The following SLC14A2 variants were observed in gnomAD, a reference collection of about 807,000 sequenced individuals.
SLC14A2 encodes solute carrier family 14 member 2, also known as urea transporter 2.
A neutral mutation model predicts 104.6 loss-of-function variants in SLC14A2; 91 were observed. That is an observed-to-expected ratio of 0.87 (90% CI 0.73 to 1.04). The LOEUF (loss-of-function observed/expected upper bound fraction) is 1.04, where lower values mean the gene tolerates loss of function less well. Ranked by LOEUF, SLC14A2 falls within the 50% of genes least tolerant of loss-of-function variation. SLC14A2 has a pLI of 0.00. For synonymous variants in SLC14A2, 476 were observed against 466.4 expected, an observed-to-expected ratio of 1.02 and a Z score of -0.27; for missense variants, 1,189 against 1,156.0, an observed-to-expected ratio of 1.03 and a Z score of -0.41.
chr18:45,208,137 G>A (rs963593690), upstream of SLC14A2, among the ~76,000 whole-genome samples: 2 of 152,142 alleles, frequency 1.3e-5, no homozygotes, highest in Admixed American at 6.5e-5. Context: ...CTAGAGAACA[G>A]ATATGCACTT....
chr18:45,505,557 C>T (rs1300872229), intron 2 of SLC14A2, among the ~76,000 whole-genome samples: 1 of 152,274 alleles, frequency 6.6e-6, no homozygotes, highest in Admixed American at 6.5e-5. Context: ...CCACATACCT[C>T]ACCCCAGAAA....
chr18:45,668,473 T>C lies in SLC14A2; in HGVS notation c.2032T>C (p.Ser678Pro). Residue 678 changes from serine to proline, a missense_variant, in exon 15 of 20, where the codon TCT (serine) becomes CCT (proline). Ser to Pro is a moderately conservative substitution (Grantham distance 74). Transcript: ENST00000255226. ...LLLPVIIMSM[S>P]CPILSSALGT... is the part of the protein sequence containing the mutation. Reference sequence around the variant, plus strand: ...GCTACCCGTCATCATCATGTCCATGTCTTGGTAAGTTTGCTTTTGAAGGGT... The same window carrying C: ...GCTACCCGTCATCATCATGTCCATGCCTTGGTAAGTTTGCTTTTGAAGGGT... 1 of 1,614,196 alleles carries C rather than the reference T, an allele frequency of 6.2e-7. No individual in the cohort carries two copies. Among genetic ancestry groups the C allele is most frequent in the Non-Finnish European group, 8.5e-7 (1 of 1,180,014 alleles).
intron 2 of SLC14A2, among the ~76,000 whole-genome samples, chr18:45,566,191 A>G (rs1181302405): frequency 6.6e-6 from 1 of 151,628 alleles, no homozygotes; most frequent in Non-Finnish European, 1.5e-5. Flanking sequence ...AGCACTCCCA[A>G]CTCTATAATG....
the SLC14A2 span, among the ~76,000 whole-genome samples, chr18:45,180,491 C>G: frequency 2.2e-4 from 34 of 152,096 alleles, no homozygotes; most frequent in Non-Finnish European, 4.6e-4. Flanking sequence ...AGAATTAAAA[C>G]TGAATAATTC....
intron 1 of SLC14A2, among the ~76,000 whole-genome samples, chr18:45,398,307 C>A (rs958606151): frequency 6.6e-6 from 1 of 151,988 alleles, no homozygotes; most frequent in African/African-American, 2.4e-5. Flanking sequence ...AATTTCCTAC[C>A]AAAATCAAAC....
At chr18:45,238,499 T>C (rs1568115753) in intron 1 of SLC14A2, among the ~76,000 whole-genome samples, 5 of 152,256 alleles carry the variant, frequency 3.3e-5, no homozygotes, top group Admixed American at 2.6e-4. Context: ...TCTAGAAATA[T>C]AGCCAGGAAC....
chr18:45,310,983 G>C (rs1042689386), intron 1 of SLC14A2, among the ~76,000 whole-genome samples: 2 of 152,210 alleles, frequency 1.3e-5, no homozygotes, highest in African/African-American at 4.8e-5. Flanking sequence ...AGATCCAGAA[G>C]CTGAGGCCTG....
the SLC14A2 span, among the ~76,000 whole-genome samples, chr18:45,199,751 T>G: frequency 6.6e-6 from 1 of 152,150 alleles, no homozygotes; most frequent in Non-Finnish European, 1.5e-5. Flanking sequence ...CTCCTTATAT[T>G]AGCAGCTAAG....
chr18:45,563,593 C>T (rs1301713687), intron 2 of SLC14A2, among the ~76,000 whole-genome samples: 1 of 152,152 alleles, frequency 6.6e-6, no homozygotes, highest in Non-Finnish European at 1.5e-5. Flanking sequence ...TGGCTACCAA[C>T]TCTCTGATCA....
the SLC14A2 span, among the ~76,000 whole-genome samples, chr18:45,202,440 T>C: frequency 6.6e-6 from 1 of 152,080 alleles, no homozygotes; most frequent in African/African-American, 2.4e-5. Flanking sequence ...TACAAGTGAG[T>C]CTGAGTTTTT....
At chr18:45,415,988 C>G (rs2086272806) in intron 1 of SLC14A2, among the ~76,000 whole-genome samples, 1 of 152,128 alleles carries the variant, frequency 6.6e-6, no homozygotes, top group Non-Finnish European at 1.5e-5. Flanking sequence ...TTGATGCTGG[C>G]AAACTCGAAT....
intron 2 of SLC14A2, chr18:45,493,220 T>TA (rs2043032652): frequency 6.6e-6 from 1 of 152,256 alleles, no homozygotes; most frequent in African/African-American, 2.4e-5. Flanking sequence ...AGACAGACCT[T>TA]ACACCATCTG....
chr18:45,215,102 AAG>A (rs1267552797), intron 1 of SLC14A2, among the ~76,000 whole-genome samples: 2 of 152,132 alleles, frequency 1.3e-5, no homozygotes, highest in African/African-American at 4.8e-5. Context: ...AAAAGATGAG[AAG>A]ACTCTCTTTA....
intron 2 of SLC14A2, among the ~76,000 whole-genome samples, chr18:45,534,203 G>T (rs542091053): frequency 6.6e-5 from 10 of 152,204 alleles, no homozygotes; most frequent in African/African-American, 2.4e-4. Context: ...TTCCCTCCAC[G>T]AATTTCACTT....
In SLC14A2 at chr18:45,643,151, G is replaced by C. The variant is rs145333431; in HGVS notation, c.1146G>C (p.Met382Ile). The change falls in exon 9 of 20, where the codon ATG (methionine) becomes ATC (isoleucine). Residue 382 changes from methionine to isoleucine, a missense_variant. Transcript: ENST00000255226. The stretch of plus-strand genomic sequence containing the variant: ...CCACAGCCCTGTTCTGTGCATACAT[G>C]GAAGCAGCCATCTCCAACATCATGT... ...ALICALFCAY[M>I]EAAISNIMSV... The C allele has an allele frequency of 1.3e-5, 21 of 1,614,146 alleles. No homozygotes were observed. The African/African-American group carries it at 2.1e-4, about 16-fold the overall frequency.
chr18:45,303,874 C>A, intron 1 of SLC14A2, among the ~76,000 whole-genome samples: 1 of 152,188 alleles, frequency 6.6e-6, no homozygotes, highest in Non-Finnish European at 1.5e-5. Context: ...TTCACCTGTT[C>A]CCACCAGTCA....
At chr18:45,230,398 T>C (rs1311309312) in intron 1 of SLC14A2, among the ~76,000 whole-genome samples, 2 of 152,214 alleles carry the variant, frequency 1.3e-5, no homozygotes, top group South Asian at 2.1e-4. Flanking sequence ...CTAGACCACC[T>C]GCATTTCTCG....
At chr18:45,677,073 C>G (rs1382134873) in intron 18 of SLC14A2, among the ~76,000 whole-genome samples, 1 of 152,018 alleles carries the variant, frequency 6.6e-6, no homozygotes, top group East Asian at 1.9e-4. Context: ...CTGAGACAGA[C>G]AGTTTTCCCT....
At chr18:45,199,005 T>G in the SLC14A2 span, among the ~76,000 whole-genome samples, 1 of 152,204 alleles carries the variant, frequency 6.6e-6, no homozygotes. Flanking sequence ...CAGTAGTTTT[T>G]GCAGTGAGAA....
Sources: gnomAD v4.1 joint callset for allele counts (sites outside exome capture counted in the v4.1 genomes callset) on GRCh38, gnomAD v4.1.1 for gene constraint, MANE v1.5 for transcripts, NCBI Gene and HGNC (gene_info 2026-07-23, HGNC 2026-07-21) for gene names.